Variants in ASAP2 observed in about 807,000 individuals in gnomAD.
The protein encoded by ASAP2 is ArfGAP with SH3 domain, ankyrin repeat and PH domain 2.
ASAP2 carries 45 observed loss-of-function variants against 131.4 expected under a neutral mutation model. The ratio of observed to expected loss-of-function variants is 0.34; its 90% CI spans 0.27 to 0.44. The LOEUF is 0.44. ASAP2 is among the 20% of genes least tolerant of loss of function. The pLI, the probability that ASAP2 is intolerant of heterozygous loss-of-function variation, is 1.00. For synonymous variants in ASAP2, 510 were observed against 503.0 expected (o/e 1.01, Z -0.19); for missense variants, 1,011 against 1,297.0 (o/e 0.78, Z 3.39).
At chr2:9,300,049 TG>T (rs1668385024) in intron 3 of ASAP2, among the ~76,000 whole-genome samples, 1 of 152,130 alleles carries the variant, frequency 6.6e-6, no homozygotes, top group Non-Finnish European at 1.5e-5. Flanking sequence ...CTGGGCAACA[TG>T]GGGAACCCCT....
At chr2:9,339,492 TA>T (rs967717292) in intron 9 of ASAP2, among the ~76,000 whole-genome samples, 2 of 152,062 alleles carry the variant, frequency 1.3e-5, no homozygotes, top group African/African-American at 4.8e-5. Context: ...ATTATCTTAA[TA>T]ATAGTAAAAT....
chr2:9,389,526 G>A lies in ASAP2; in HGVS notation c.2383+980G>A, dbSNP rs375965733. Among the ~76,000 whole-genome samples, 30 of 152,290 alleles carry A rather than the reference G, an allele frequency of 2.0e-4. 1 individual carries two copies. In the East Asian group the frequency reaches 3.3e-3, roughly 17 times the overall value. ...AGACCTGGCCCAGGGCTGAGCAGAC[G>A]GCTGCAGCTTTGTGCTGCACGTACA... On this transcript the variant is annotated intron_variant, in intron 22 of 27. Coordinates refer to ENST00000281419, the MANE Select transcript of ASAP2 (RefSeq NM_003887.3). This position sits in a 1 kb window ranked among gnomAD's most constrained non-coding sequence, Gnocchi z 4.7.
In ASAP2 at chr2:9,393,620, G is replaced by A. The variant is rs950087853; in HGVS notation, c.2657G>A (p.Arg886His). The A allele has an allele frequency of 1.5e-5, 24 of 1,584,534 alleles. No homozygotes were observed. Among genetic ancestry groups the A allele is most frequent in the South Asian group, 8.0e-5 (7 of 87,774 alleles). ...CCTCTGCCCCCACAGCCGCCCAGCC[G>A]CCTCCCGCAGAAGAAGCCTGCGCCG... Reference protein sequence around the residue: ...PPPLPPQPPSRLPQKKPAPGA... With the variant: ...PPPLPPQPPSHLPQKKPAPGA... Residue 886 changes from arginine (R) to histidine (H), a missense_variant, in exon 24 of 28, where the codon CGC (arginine) becomes CAC (histidine). This residue lies in a region of ASAP2 where 652 missense variants were observed against 698.9 expected (regional missense o/e 0.93). Coordinates refer to ENST00000281419, the MANE Select transcript of ASAP2 (RefSeq NM_003887.3).
intron 1 of ASAP2, among the ~76,000 whole-genome samples, chr2:9,240,381 G>A (rs1663879127): frequency 1.3e-5 from 2 of 151,582 alleles, no homozygotes; most frequent in South Asian, 2.1e-4. Context: ...CACCTCCCCG[G>A]TAGCTGGGAT....
intron 1 of ASAP2, among the ~76,000 whole-genome samples, chr2:9,278,131 C>G (rs1199441572): frequency 2.6e-5 from 4 of 152,158 alleles, no homozygotes; most frequent in Non-Finnish European, 5.9e-5. Flanking sequence ...GGGCAGGGTG[C>G]TTCATTTAGT....
intron 22 of ASAP2, among the ~76,000 whole-genome samples, chr2:9,390,408 A>G (rs1675627233): frequency 6.6e-6 from 1 of 152,144 alleles, no homozygotes; most frequent in Admixed American, 6.5e-5. Flanking sequence ...AGCCTCCAAC[A>G]TGGGGTCACA....
rs1673652283 is a variant in ASAP2, at chr2:9,368,470, T to C, written c.1507T>C (p.Cys503Arg). Residue 503 changes from cysteine (C) to arginine (R), a missense_variant, in exon 16 of 28, where the codon TGT (cysteine) becomes CGT (arginine). Cys to Arg is a radical substitution (Grantham distance 180). Around this residue, in one of 2 missense-constraint regions of ASAP2, gnomAD observed 652 missense variants for 698.9 expected, o/e 0.93. Coordinates refer to ENST00000281419, the MANE Select transcript of ASAP2 (RefSeq NM_003887.3). ...GNAGFNEIME[C>R]CLPAEDSVKP... ...TGCAGGCTTTAATGAGATCATGGAA[T>C]GTTGCCTACCAGCTGAGGACTCAGT... 1 of 1,614,188 alleles carries C rather than the reference T, an allele frequency of 6.2e-7. No homozygotes were observed. Among genetic ancestry groups the C allele is most frequent in the Non-Finnish European group, 8.5e-7 (1 of 1,180,036 alleles).
At chr2:9,360,111 C>A (rs1197196784) in intron 15 of ASAP2, among the ~76,000 whole-genome samples, 4 of 152,194 alleles carry the variant, frequency 2.6e-5, no homozygotes, top group African/African-American at 9.6e-5. Flanking sequence ...CAAAGAAGCA[C>A]AAAGTACTTT....
At chr2:9,231,779 G>A (rs1054259619) in intron 1 of ASAP2, among the ~76,000 whole-genome samples, 9 of 152,082 alleles carry the variant, frequency 5.9e-5, no homozygotes, top group Admixed American at 3.3e-4. Flanking sequence ...TCTCTGTGCC[G>A]TCTCGCATGC....
chr2:9,289,610 C>T (rs1318532262), intron 2 of ASAP2, among the ~76,000 whole-genome samples: 1 of 152,182 alleles, frequency 6.6e-6, no homozygotes, highest in African/African-American at 2.4e-5. Flanking sequence ...CAAGTGTACT[C>T]CTACAAGCAG....
intron 15 of ASAP2, among the ~76,000 whole-genome samples, chr2:9,365,550 G>A (rs1673405385): frequency 6.6e-6 from 1 of 152,116 alleles, no homozygotes; most frequent in South Asian, 2.1e-4. Context: ...TGGCTCAGTG[G>A]GCCCTGCTCA....
At chr2:9,375,005 G>T in intron 17 of ASAP2, 61 bp downstream of exon 17, 1 of 1,474,676 alleles carries the variant, frequency 6.8e-7, no homozygotes, top group Non-Finnish European at 9.0e-7. Context: ...GGTGGCTCAT[G>T]CCTGGGATCC....
At chr2:9,338,437 C>T (rs527598583) in intron 9 of ASAP2, among the ~76,000 whole-genome samples, 10 of 152,222 alleles carry the variant, frequency 6.6e-5, no homozygotes, top group Non-Finnish European at 1.5e-4. Context: ...ACCCAGGCAG[C>T]CAAGGTCCAC....
intron 2 of ASAP2, among the ~76,000 whole-genome samples, chr2:9,292,787 T>C (rs1292045621): frequency 6.6e-6 from 1 of 152,204 alleles, no homozygotes; most frequent in African/African-American, 2.4e-5. Context: ...GCCATGAGCA[T>C]ATGTGTCCTT....
intron 2 of ASAP2, 102 bp from the exon 3 acceptor site, chr2:9,297,198 C>A: frequency 7.2e-7 from 1 of 1,389,120 alleles, no homozygotes; most frequent in Non-Finnish European, 9.7e-7. Flanking sequence ...TCAGATTTTT[C>A]TTCTGCTGAT....
rs189209188 is a variant in ASAP2 at position 9,356,361 on chromosome 2, C to T, written c.1327+16C>T. 2.8e-4 allele frequency: 434 copies of T among 1,565,268 alleles called. No homozygotes were observed. Among genetic ancestry groups the T allele is most frequent in the Non-Finnish European group, 3.5e-4 (406 of 1,157,782 alleles). On this transcript the variant is annotated intron_variant, in intron 14 of 27. Coordinates refer to ENST00000281419, the MANE Select transcript of ASAP2 (RefSeq NM_003887.3). ...GGGGCGCCAGGTGACCCAGGGACCC[C>T]ACCCGACCCTGGGCTCTAGGACATT...
At chr2:9,252,549 G>A (rs1236066868) in intron 1 of ASAP2, among the ~76,000 whole-genome samples, 3 of 148,924 alleles carry the variant, frequency 2.0e-5, no homozygotes, top group Non-Finnish European at 4.5e-5. Context: ...ATTCCAGCCT[G>A]GGCGACAAAG....
At chr2:9,247,715 C>T (rs960140699) in intron 1 of ASAP2, among the ~76,000 whole-genome samples, 7 of 152,160 alleles carry the variant, frequency 4.6e-5, no homozygotes, top group African/African-American at 1.4e-4. Context: ...GTGCCAGACG[C>T]GGAGTAGGTG....
intron 17 of ASAP2, among the ~76,000 whole-genome samples, chr2:9,375,584 C>T (rs1296330562): frequency 3.3e-5 from 5 of 152,262 alleles, no homozygotes; most frequent in East Asian, 1.9e-4. Flanking sequence ...TTGAAATAGA[C>T]GCTATGTAGT....
Sources: allele counts gnomAD v4.1 joint callset (sites outside exome capture counted in the v4.1 genomes callset), GRCh38; gene constraint gnomAD v4.1.1; regional missense constraint gnomAD v4.1.1; non-coding constraint Gnocchi (gnomAD v3.1); transcripts MANE v1.5; gene names NCBI Gene and HGNC (gene_info 2026-07-23, HGNC 2026-07-21).